RNLS: variants seen among roughly 807,000 people sequenced by gnomAD.
The protein encoded by RNLS is renalase.
In RNLS, 39 loss-of-function variants were observed where a neutral mutation model predicts 39.8. The ratio of observed to expected loss-of-function variants is 0.98; its 90% CI spans 0.76 to 1.28. The LOEUF (loss-of-function observed/expected upper bound fraction) is 1.28, where lower values mean the gene tolerates loss of function less well. RNLS is among the 50% of genes most tolerant of loss of function. RNLS has a pLI of 0.00. For synonymous variants in RNLS, 147 were observed against 150.7 expected, an observed-to-expected ratio of 0.98 and a Z score of 0.18; for missense variants, 410 against 413.3, an observed-to-expected ratio of 0.99 and a Z score of 0.07.
chr10:88,450,157 CAACACCCTCTAGG>C (rs1222811874), intron 4 of RNLS, among the ~76,000 whole-genome samples: 1 of 152,046 alleles, frequency 6.6e-6, no homozygotes, highest in East Asian at 1.9e-4. Context: ...GAAAGGAAAT[CAACACCCTCTAGG>C]AACAAGGGGT....
At chr10:88,186,987 AC>A in the RNLS span, among the ~76,000 whole-genome samples, 1 of 151,436 alleles carries the variant, frequency 6.6e-6, no homozygotes, top group South Asian at 2.1e-4. Flanking sequence ...ATGGAAAAGA[AC>A]AAAACCCTGT....
chr10:88,354,839 T>G (rs572677467), intron 5 of RNLS, among the ~76,000 whole-genome samples: 83 of 152,356 alleles, frequency 5.4e-4, no homozygotes, highest in African/African-American at 1.9e-3. Context: ...TCCCCTTCAC[T>G]TTCGGGTACA....
chr10:88,467,934 T>A (rs183560346), intron 4 of RNLS, among the ~76,000 whole-genome samples: 53 of 152,332 alleles, frequency 3.5e-4, no homozygotes, highest in Admixed American at 7.8e-4. Context: ...CATATTACAC[T>A]TTGGGAAGCA....
intron 6 of RNLS, among the ~76,000 whole-genome samples, chr10:88,291,396 A>G (rs1843665557): frequency 6.6e-6 from 1 of 152,216 alleles, no homozygotes; most frequent in African/African-American, 2.4e-5. Flanking sequence ...TAAATGTACC[A>G]ATTCCAGAAC....
chr10:88,399,629 G>A (rs1480404994), intron 4 of RNLS, among the ~76,000 whole-genome samples: 2 of 152,032 alleles, frequency 1.3e-5, no homozygotes, highest in African/African-American at 4.8e-5. Flanking sequence ...GGAATGGAGA[G>A]TAACTACCAA....
intron 4 of RNLS, among the ~76,000 whole-genome samples, chr10:88,531,410 CA>C (rs1489062975): frequency 6.6e-6 from 1 of 151,832 alleles, no homozygotes; most frequent in East Asian, 1.9e-4. Context: ...TGAATTTGAG[CA>C]TTTGAAAAAC....
At chr10:88,468,235 G>A (rs1843321986) in intron 4 of RNLS, among the ~76,000 whole-genome samples, 1 of 152,068 alleles carries the variant, frequency 6.6e-6, no homozygotes, top group African/African-American at 2.4e-5. Flanking sequence ...GCTCTGGGGT[G>A]GGCTCAAAGA....
chr10:88,237,224 C>CCCTT, the RNLS span, among the ~76,000 whole-genome samples: 1 of 108,378 alleles, frequency 9.2e-6, no homozygotes, highest in East Asian at 3.3e-4. Context: ...TTGAGTCCCT[C>CCCTT]CCTCCCTCCC....
At chr10:88,317,450 G>A (rs536534720) in intron 5 of RNLS, among the ~76,000 whole-genome samples, 2 of 152,166 alleles carry the variant, frequency 1.3e-5, no homozygotes, top group African/African-American at 2.4e-5. Context: ...TTTAGAAAGG[G>A]ATAACAGAAT....
At chr10:88,226,265 A>G in the RNLS span, among the ~76,000 whole-genome samples, 1 of 152,226 alleles carries the variant, frequency 6.6e-6, no homozygotes, top group Non-Finnish European at 1.5e-5. Flanking sequence ...ACCCTTGGTT[A>G]TCTAGCTTAA....
At chr10:88,489,188 A>C (rs2437875) in intron 4 of RNLS, among the ~76,000 whole-genome samples, 43,599 of 152,078 alleles carry the variant, frequency 0.29, 7,565 homozygotes, top group East Asian at 0.46. Flanking sequence ...TAAGGTTTCC[A>C]ATATTTTTGG....
intron 4 of RNLS, among the ~76,000 whole-genome samples, chr10:88,560,556 C>T (rs1271369438): frequency 2.0e-5 from 3 of 152,078 alleles, no homozygotes; most frequent in African/African-American, 7.2e-5. Flanking sequence ...TTCCAAACCC[C>T]GTAAGCAGAG....
At chr10:88,313,217 A>G (rs1229977865) in intron 6 of RNLS, among the ~76,000 whole-genome samples, 1 of 152,190 alleles carries the variant, frequency 6.6e-6, no homozygotes, top group Non-Finnish European at 1.5e-5. Context: ...CCACTTTTTC[A>G]GTTTATTAAT....
chr10:88,230,288 C>T, the RNLS span, among the ~76,000 whole-genome samples: 2 of 152,142 alleles, frequency 1.3e-5, no homozygotes, highest in Admixed American at 6.5e-5. Context: ...CAGGTAACAA[C>T]CAATTTTTTT....
chr10:88,292,591 A>AAAAAAC (rs1554851480), intron 6 of RNLS, among the ~76,000 whole-genome samples: 5 of 149,104 alleles, frequency 3.4e-5, no homozygotes, highest in South Asian at 4.2e-4. Context: ...AAAAAAAAAA[A>AAAAAAC]CCTAGTTGCA....
In RNLS at chr10:88,503,948, T is replaced by C. The variant is rs376901103; in HGVS notation, c.526+68955A>G. Among the ~76,000 whole-genome samples, 55 of 152,252 alleles carry C rather than the reference T, an allele frequency of 3.6e-4. 1 individual carries two copies. Among genetic ancestry groups the C allele is most frequent in the African/African-American group, 1.3e-3 (53 of 41,566 alleles). Reference sequence around the variant, plus strand: ...TCTCTCATCATATTCTACAGGAAGATAGCTACCATGTCAGAAAGCAGCCCT... The same window carrying C: ...TCTCTCATCATATTCTACAGGAAGACAGCTACCATGTCAGAAAGCAGCCCT... On this transcript the variant is annotated intron_variant, in intron 4 of 6. Transcript: ENST00000331772.
At chr10:88,454,494 G>C (rs1450647985) in intron 4 of RNLS, among the ~76,000 whole-genome samples, 2 of 152,160 alleles carry the variant, frequency 1.3e-5, no homozygotes, top group Non-Finnish European at 2.9e-5. Context: ...AGTCCACAGG[G>C]TTCCATTAAT....
intron 4 of RNLS, among the ~76,000 whole-genome samples, chr10:88,545,640 G>A (rs1224127662): frequency 1.3e-5 from 2 of 152,152 alleles, no homozygotes; most frequent in East Asian, 1.9e-4. Flanking sequence ...GGAGAACTGG[G>A]TGGGGACACA....
rs1438129082 is a variant in RNLS at position 88,362,565 on chromosome 10, C to CTT, written c.685_686dup (p.Lys230ArgfsTer5). On this transcript the variant is annotated frameshift_variant, in exon 5 of 7. Coordinates refer to ENST00000331772, the MANE Select transcript of RNLS (RefSeq NM_001031709.3). LOFTEE classifies it high-confidence loss of function. Reference sequence around the variant, plus strand: ...AGGGGTACTGACCTATATTGCGCTTCTTATTATCAATGGAGACGAAGCGTA... The same window carrying CTT: ...AGGGGTACTGACCTATATTGCGCTTCTTTTATTATCAATGGAGACGAAGCGTA... The CTT allele has an allele frequency of 6.2e-7, 1 of 1,613,602 alleles. No homozygotes were observed. Among genetic ancestry groups the CTT allele is most frequent in the African/African-American group, 1.3e-5 (1 of 74,880 alleles).
Sources: allele counts gnomAD v4.1 joint callset (sites outside exome capture counted in the v4.1 genomes callset), GRCh38; gene constraint gnomAD v4.1.1; transcripts MANE v1.5; gene names NCBI Gene and HGNC (gene_info 2026-07-23, HGNC 2026-07-21).